The following FBXO17 variants were observed in gnomAD, a reference collection of about 807,000 sequenced individuals.
FBXO17 encodes the protein F-box only protein 17.
In FBXO17, 43 loss-of-function variants were observed where a neutral mutation model predicts 34.1. The ratio of observed to expected loss-of-function variants is 1.26; its 90% confidence interval spans 0.99 to 1.62. The LOEUF (loss-of-function observed/expected upper bound fraction) is 1.62. Ranked by LOEUF, FBXO17 falls within the 40% of genes most tolerant of loss-of-function variation. FBXO17 has a pLI of 0.00. For synonymous variants in FBXO17, 169 were observed against 166.0 expected (o/e 1.02, Z -0.14); for missense variants, 424 against 386.7 (o/e 1.10, Z -0.81).
At position 38,948,588 on chromosome 19, in the gene FBXO17, G is replaced by C; in HGVS notation, c.440C>G (p.Thr147Ser). The change falls in exon 3 of 6, where the codon ACC becomes AGC. Residue 147 changes from threonine to serine, a missense_variant. Physicochemically the swap from Thr to Ser is moderately conservative, Grantham distance 58 (BLOSUM62 1). Transcript: ENST00000292852. ...LTPVPGAPSQ[T>S]CFVTSFEWCS... ...TCACTCGAAAGAGGTCACGAAGCAG[G>C]TCTGCGAAGGAGCCCCAGGCACCGG... 6.2e-7 allele frequency: 1 copy of C among 1,614,112 alleles called. No homozygotes were observed. Among genetic ancestry groups the C allele is most frequent in the African/African-American group, 1.3e-5 (1 of 75,068 alleles).
intron 1 of FBXO17, 72 bp from the exon 2 acceptor site, chr19:38,950,408 G>T: frequency 7.2e-7 from 1 of 1,384,416 alleles, no homozygotes; most frequent in Non-Finnish European, 9.3e-7. Context: ...GTCCCCCAGG[G>T]CGCAAGGCCC....
chr19:38,949,657 G>A (rs1195129872), intron 2 of FBXO17: 2 of 501,032 alleles, frequency 4.0e-6, no homozygotes, highest in African/African-American at 2.0e-5. Flanking sequence ...GCCTCCCAAA[G>A]CGTTGCCATT....
rs1416192406 is a variant in FBXO17, at chr19:38,975,453, T to A, written c.-18+133A>T. 6.6e-6 allele frequency: 1 copy of A among 152,260 alleles called. No homozygotes were observed. The highest frequency in any genetic ancestry group is 1.5e-5 in the Non-Finnish European group (1 of 68,060). 9.4% of individuals were successfully genotyped at this position (152,260 alleles called of 1,614,324 possible). A position where few individuals can be genotyped will look rare whatever the true frequency, so the allele number is the denominator to read the frequency against. ...CCCGGGAAAGCGACGCTGCGGGTTA[T>A]GGGACTCCCAGGGACCCGCCCCTCC... On this transcript the variant is annotated intron_variant, in intron 1 of 5. Transcript: ENST00000292852. The surrounding 1 kb of genome is among the most constrained non-coding windows in gnomAD (Gnocchi z 4.9).
At chr19:38,949,762 C>T in intron 2 of FBXO17, 1 of 634,326 alleles carries the variant, frequency 1.6e-6, no homozygotes, top group Non-Finnish European at 2.6e-6. Context: ...TCCTGCCTTG[C>T]CCCGCCCACT....
intron 1 of FBXO17, among the ~76,000 whole-genome samples, chr19:38,967,627 C>T (rs1042803655): frequency 1.3e-5 from 2 of 151,114 alleles, no homozygotes; most frequent in Admixed American, 1.3e-4. Context: ...TGCAGTGGCA[C>T]GATCTTGGCT....
rs565456405 is a variant in FBXO17, at chr19:38,944,855, A to G, written c.693+114T>C. 217 of 1,444,236 alleles carry G rather than the reference A, an allele frequency of 1.5e-4. 1 individual carries two copies. The African/African-American group carries it at 2.9e-3, about 19-fold the overall frequency. 89.5% of individuals were successfully genotyped at this position (1,444,236 alleles called of 1,614,324 possible). A position where few individuals can be genotyped will look rare whatever the true frequency, so the allele number is the denominator to read the frequency against. On this transcript the variant is annotated intron_variant, in intron 5 of 5. Transcript: ENST00000292852. The stretch of plus-strand genomic sequence containing the variant: ...ATGTAAGAAGGGCTCGATACTTCTT[A>G]GCTGTTATGATTATAGATATCCAGG...
chr19:38,945,019 A>G lies in FBXO17; in HGVS notation c.643T>C (p.Ser215Pro). 6.2e-7 allele frequency: 1 copy of G among 1,614,072 alleles called. No individual in the cohort carries two copies. Among genetic ancestry groups the G allele is most frequent in the Non-Finnish European group, 8.5e-7 (1 of 1,179,870 alleles). Residue 215 changes from serine (S) to proline (P), a missense_variant, in exon 5 of 6, where the codon TCA becomes CCA. Ser to Pro is a moderately conservative substitution (Grantham distance 74). Transcript: ENST00000292852. ...TGAAGGACCGGGTCAGGTGAGGCTG[A>G]GAACTTGACCACTTCCTTTTCATAC... is the stretch of plus-strand genomic sequence containing the variant. ...DVYEKEVVKF[S>P]ASPDPVLQWT...
rs903956785 is a variant in FBXO17 at position 38,945,082 on chromosome 19, C to T, written c.580G>A (p.Gly194Ser). ...CGGACCCGGAGCTGGTAGACGCAGCCGCAGTTCTCTCGAGCGCCCCACCTG... is the reference window on the plus strand; with the variant it reads ...CGGACCCGGAGCTGGTAGACGCAGCTGCAGTTCTCTCGAGCGCCCCACCTG... The part of the protein sequence containing the change: ...ADWWGARENC[G>S]CVYQLRVRLL... The change falls in exon 5 of 6, where the codon GGC becomes AGC. Residue 194 changes from glycine (G) to serine (S), a missense_variant. Physicochemically the swap from Gly to Ser is moderately conservative, Grantham distance 56. Transcript: ENST00000292852. 1.2e-5 allele frequency: 20 copies of T among 1,614,066 alleles called. 1 individual carries two copies. Among genetic ancestry groups the T allele is most frequent in the African/African-American group, 5.3e-5 (4 of 74,938 alleles).
Position 38,947,606 on chromosome 19 carries a change from A to C in FBXO17, c.461+961T>G, listed in dbSNP as rs145067835. Among the ~76,000 whole-genome samples the C allele has an allele frequency of 8.9e-4, 135 of 152,026 alleles. 1 individual carries two copies. The East Asian group carries it at 0.016, about 17-fold the overall frequency. On this transcript the variant is annotated intron_variant, in intron 3 of 5. Coordinates refer to ENST00000292852, the MANE Select transcript of FBXO17 (RefSeq NM_024907.7). ...TATCTCAAAAAACAAAAACAAAAAC[A>C]AAAAAAACAGAGTGCCAGGGACAGA...
intron 1 of FBXO17, among the ~76,000 whole-genome samples, chr19:38,958,964 G>C (rs775097005): frequency 6.6e-6 from 1 of 152,094 alleles, no homozygotes; most frequent in Admixed American, 6.6e-5. Flanking sequence ...GTGTAGTGGC[G>C]TGATTATGGC....
chr19:38,955,207 A>G (rs188800703), intron 1 of FBXO17, among the ~76,000 whole-genome samples: 2 of 152,058 alleles, frequency 1.3e-5, no homozygotes, highest in African/African-American at 2.4e-5. Flanking sequence ...CTGGGATCAC[A>G]GGCGTGAGCC....
intron 1 of FBXO17, among the ~76,000 whole-genome samples, chr19:38,963,776 T>C (rs911253671): frequency 2.7e-5 from 4 of 149,086 alleles, no homozygotes; most frequent in Admixed American, 7.0e-5. Flanking sequence ...TGTGTGGACA[T>C]ATGTTTTCTT....
intron 1 of FBXO17, among the ~76,000 whole-genome samples, chr19:38,960,590 C>A (rs1246033539): frequency 6.6e-6 from 1 of 152,132 alleles, no homozygotes; most frequent in Admixed American, 6.6e-5. Flanking sequence ...CTCACTGTAA[C>A]CTCCGCCTCC....
At position 38,975,535 on chromosome 19, in the gene FBXO17, G is replaced by C. The variant is rs1975450007; in HGVS notation, c.-18+51C>G. The C allele has an allele frequency of 6.6e-6, 1 of 152,206 alleles. No homozygotes were observed. Among genetic ancestry groups the C allele is most frequent in the Non-Finnish European group, 1.5e-5 (1 of 68,052 alleles). 9.4% of individuals were successfully genotyped at this position (152,206 alleles called of 1,614,324 possible). On this transcript the variant is annotated intron_variant, in intron 1 of 5. Transcript: ENST00000292852. The surrounding 1 kb of genome is among the most constrained non-coding windows in gnomAD (Gnocchi z 4.9). Reference sequence around the variant, plus strand: ...GGCGCCCCAGCTGTGGGCGAGAACGGGACTGACGCTTGGGTCCCGACCTGG... The same window carrying C: ...GGCGCCCCAGCTGTGGGCGAGAACGCGACTGACGCTTGGGTCCCGACCTGG...
intron 1 of FBXO17, among the ~76,000 whole-genome samples, chr19:38,972,419 CCTG>C (rs1365960704): frequency 1.3e-5 from 2 of 152,008 alleles, no homozygotes; most frequent in Non-Finnish European, 2.9e-5. Flanking sequence ...GTGGCACGCA[CCTG>C]TAATCCCAGC....
At position 38,949,926 on chromosome 19, in the gene FBXO17, C is replaced by A; in HGVS notation, c.349+45G>T. On this transcript the variant is annotated intron_variant, in intron 2 of 5. Coordinates refer to ENST00000292852, the MANE Select transcript of FBXO17 (RefSeq NM_024907.7). ...GTCCCGGCCCCGCCCCCGCCTCGCTCGCGCGGCCCCCCTCAGCCTCCTGGG... is the reference window on the plus strand; with the variant it reads ...GTCCCGGCCCCGCCCCCGCCTCGCTAGCGCGGCCCCCCTCAGCCTCCTGGG... 8 of 1,450,290 alleles carry A rather than the reference C, an allele frequency of 5.5e-6. 1 individual carries two copies. In the South Asian group the frequency reaches 1.1e-4, roughly 21 times the overall value. 89.8% of individuals were successfully genotyped at this position (1,450,290 alleles called of 1,614,324 possible).
intron 1 of FBXO17, among the ~76,000 whole-genome samples, chr19:38,973,619 T>C (rs1158425151): frequency 6.6e-6 from 1 of 152,176 alleles, no homozygotes; most frequent in African/African-American, 2.4e-5. Context: ...CTAAGCCATA[T>C]GTAGAATTTG....
At chr19:38,946,315 C>T in intron 4 of FBXO17, 157 bp downstream of exon 4, 1 of 1,274,186 alleles carries the variant, frequency 7.8e-7, no homozygotes, top group East Asian at 2.6e-5. Flanking sequence ...GCTCTACCTT[C>T]CCCGGCTCTG....
intron 1 of FBXO17, among the ~76,000 whole-genome samples, chr19:38,973,864 C>T (rs1212491346): frequency 6.6e-6 from 1 of 150,676 alleles, no homozygotes; most frequent in Non-Finnish European, 1.5e-5. Flanking sequence ...GCACCTGTAG[C>T]CCTAGTTACT....
Sources: gnomAD v4.1 joint callset for allele counts (sites outside exome capture counted in the v4.1 genomes callset) on GRCh38, gnomAD v4.1.1 for gene constraint, Gnocchi (gnomAD v3.1) non-coding constraint, MANE v1.5 for transcripts, NCBI Gene and HGNC (gene_info 2026-07-23, HGNC 2026-07-21) for gene names.